The following TRIP12 variants were observed in gnomAD, a reference collection of about 807,000 sequenced individuals.
TRIP12 encodes the protein thyroid hormone receptor interactor 12.
Under a neutral mutation model 244.2 loss-of-function variants are expected in TRIP12, and 25 were observed. That is an observed-to-expected ratio of 0.10 (90% CI 0.07 to 0.14). The LOEUF is 0.14. Among genes scored for constraint, TRIP12 ranks in the 10% least tolerant of loss-of-function variants. TRIP12 has a pLI of 1.00. For missense variants in TRIP12, 1,677 were observed against 2,486.4 expected (o/e 0.67, Z 6.92); for synonymous variants, 905 against 873.1 (o/e 1.04, Z -0.64).
chr2:229,846,867 T>C (rs1034261411), intron 4 of TRIP12, among the ~76,000 whole-genome samples: 4 of 152,234 alleles, frequency 2.6e-5, no homozygotes, highest in Admixed American at 6.5e-5. Flanking sequence ...ATTACAAATA[T>C]TGGAAATGTC....
rs1312359979 is a variant in TRIP12 at position 229,795,161 on chromosome 2, C to G, written c.3968+18G>C. 1.9e-6 allele frequency: 3 copies of G among 1,610,260 alleles called. No homozygotes were observed. The South Asian group carries it at 3.3e-5, about 18-fold the overall frequency. On this transcript the variant is annotated intron_variant, in intron 26 of 41. Coordinates refer to ENST00000675903, the MANE Select transcript of TRIP12 (RefSeq NM_001348323.3). ...CCAAATTCCAGTGGCAAGGGTATAG[C>G]CAGGCAATGGTCCTTACCTGCCTCC...
chr2:229,803,284 T>C (rs1046194244), intron 20 of TRIP12, among the ~76,000 whole-genome samples: 1 of 152,180 alleles, frequency 6.6e-6, no homozygotes, highest in African/African-American at 2.4e-5. Flanking sequence ...CCGCTAATTT[T>C]TGTATTTTTC....
intron 38 of TRIP12, among the ~76,000 whole-genome samples, chr2:229,773,374 T>A (rs2035152706): frequency 6.6e-6 from 1 of 152,032 alleles, no homozygotes; most frequent in Non-Finnish European, 1.5e-5. Context: ...GTGCCCAGCC[T>A]AATATATATA....
chr2:229,827,834 A>T (rs34707165), intron 8 of TRIP12, among the ~76,000 whole-genome samples: 48,548 of 152,004 alleles, frequency 0.32, 7,914 homozygotes, highest in Middle Eastern at 0.44. Flanking sequence ...TTTAAGCTCA[A>T]CAGCTATCAT....
chr2:229,836,993 G>A lies in TRIP12; in HGVS notation c.1134-9C>T. 1 of 1,527,916 alleles carries A rather than the reference G, an allele frequency of 6.5e-7. No individual in the cohort carries two copies. The highest frequency in any genetic ancestry group is 1.3e-5 in the South Asian group (1 of 79,784). 94.6% of individuals were successfully genotyped at this position (1,527,916 alleles called of 1,614,324 possible). ...GGCCAGAGCCTCGCCGACTACAACAGAAAAATGTCATCATGGGCAGCATTA... is the reference window on the plus strand; with the variant it reads ...GGCCAGAGCCTCGCCGACTACAACAAAAAAATGTCATCATGGGCAGCATTA... On this transcript the variant is annotated splice_polypyrimidine_tract_variant and intron_variant, in intron 5 of 41. Coordinates refer to ENST00000675903, the MANE Select transcript of TRIP12 (RefSeq NM_001348323.3).
chr2:229,808,367 T>A lies in TRIP12; in HGVS notation c.2224A>T (p.Ile742Phe). ...AGGAGAAAGTGAAGCGTTTCTGCAATGTCTGTAAAAACCAACAACAAAAAA... is the reference window on the plus strand; with the variant it reads ...AGGAGAAAGTGAAGCGTTTCTGCAAAGTCTGTAAAAACCAACAACAAAAAA... ...TLAVQLMKQNIAETLHFLLCG... is the reference protein window; with the variant it reads ...TLAVQLMKQNFAETLHFLLCG... The change falls in exon 16 of 42, where the codon ATT (isoleucine) becomes TTT (phenylalanine). Residue 742 changes from isoleucine (I) to phenylalanine (F), a missense_variant and splice_region_variant. This residue lies in a region of TRIP12 where 572 missense variants were observed against 867.8 expected (regional missense o/e 0.66). Coordinates refer to ENST00000675903, the MANE Select transcript of TRIP12 (RefSeq NM_001348323.3). 6.2e-7 allele frequency: 1 copy of A among 1,609,938 alleles called. No homozygotes were observed. The highest frequency in any genetic ancestry group is 8.5e-7 in the Non-Finnish European group (1 of 1,178,416).
intron 4 of TRIP12, among the ~76,000 whole-genome samples, chr2:229,852,270 T>C (rs1413359545): frequency 6.6e-6 from 1 of 152,252 alleles, no homozygotes; most frequent in East Asian, 1.9e-4. Context: ...TAAGTTTTTC[T>C]ATAAACAGGT....
intron 1 of TRIP12, among the ~76,000 whole-genome samples, chr2:229,897,932 CAACA>C (rs986202900): frequency 6.6e-6 from 1 of 152,208 alleles, no homozygotes; most frequent in African/African-American, 2.4e-5. Context: ...ATTCAAGACT[CAACA>C]AACAACCTAT....
chr2:229,865,404 C>A (rs1384167126), intron 2 of TRIP12, among the ~76,000 whole-genome samples: 1 of 148,898 alleles, frequency 6.7e-6, no homozygotes, highest in Non-Finnish European at 1.5e-5. Flanking sequence ...TGGCTAGTTA[C>A]AAGTAGCTAG....
At chr2:229,792,474 T>C (rs149963361) in intron 27 of TRIP12, among the ~76,000 whole-genome samples, 587 of 152,360 alleles carry the variant, frequency 3.9e-3, no homozygotes, top group Non-Finnish European at 7.0e-3. Context: ...TTATATCTCA[T>C]ATACATGGCG....
intron 2 of TRIP12, among the ~76,000 whole-genome samples, chr2:229,877,131 C>T (rs998218912): frequency 6.6e-6 from 1 of 152,090 alleles, no homozygotes; most frequent in African/African-American, 2.4e-5. Flanking sequence ...TGGCAGGCGC[C>T]TGTCTTCTCA....
intron 34 of TRIP12, among the ~76,000 whole-genome samples, chr2:229,783,335 T>C (rs949515526): frequency 2.0e-5 from 3 of 152,232 alleles, no homozygotes; most frequent in Non-Finnish European, 4.4e-5. Flanking sequence ...ATGGAGACCA[T>C]GTGACCCACA....
At chr2:229,846,752 G>C (rs7599184) in intron 4 of TRIP12, among the ~76,000 whole-genome samples, 37,634 of 152,088 alleles carry the variant, frequency 0.25, 5,696 homozygotes, top group Middle Eastern at 0.41. Flanking sequence ...GTAATAATAA[G>C]ACAGATTTTG....
At chr2:229,810,162 AC>A (rs1254193807) in intron 15 of TRIP12, among the ~76,000 whole-genome samples, 1 of 152,226 alleles carries the variant, frequency 6.6e-6, no homozygotes, top group Non-Finnish European at 1.5e-5. Context: ...GACTTCAAGA[AC>A]AGCCTAGGCA....
intron 2 of TRIP12, among the ~76,000 whole-genome samples, chr2:229,877,628 C>T (rs1560061803): frequency 6.6e-6 from 1 of 152,190 alleles, no homozygotes; most frequent in Non-Finnish European, 1.5e-5. Context: ...AAGCAATGCG[C>T]TGTTGATAGC....
intron 20 of TRIP12, 40 bp from the exon 21 acceptor site, chr2:229,802,499 A>G: frequency 1.3e-6 from 2 of 1,525,654 alleles, no homozygotes; most frequent in Non-Finnish European, 1.8e-6. Flanking sequence ...AGTTTTAATC[A>G]GGAGTAGAAC....
In TRIP12 at chr2:229,867,097, G is replaced by GTT. The variant is rs11432903; in HGVS notation, c.99-6568_99-6567dup. ...ATATATATACACACACACATAGAGG[G>GTT]TTTTTTTTTTTGTTTTTTTTTTTAA... On this transcript the variant is annotated intron_variant, in intron 2 of 41. Coordinates refer to ENST00000675903, the MANE Select transcript of TRIP12 (RefSeq NM_001348323.3). 5.8e-3 allele frequency among the ~76,000 whole-genome samples: 775 copies of GTT among 134,134 alleles called. 15 individuals carry two copies. Among genetic ancestry groups the GTT allele is most frequent in the South Asian group, 0.022 (96 of 4,292 alleles). The allele number at this position is 134,134 out of a possible 152,430, so 88.0% of individuals were successfully genotyped here.
chr2:229,772,185 T>C (rs865917419), intron 38 of TRIP12, among the ~76,000 whole-genome samples: 1 of 152,208 alleles, frequency 6.6e-6, no homozygotes, highest in African/African-American at 2.4e-5. Flanking sequence ...GGTCCAACAT[T>C]ATCTAGTCAT....
At chr2:229,862,910 C>T (rs917580754) in intron 2 of TRIP12, among the ~76,000 whole-genome samples, 35 of 152,230 alleles carry the variant, frequency 2.3e-4, no homozygotes, top group Admixed American at 2.1e-3. Flanking sequence ...ATTTAGAAAA[C>T]CAAGGCTCAC....
Sources: gnomAD v4.1 joint callset for allele counts (sites outside exome capture counted in the v4.1 genomes callset) on GRCh38, gnomAD v4.1.1 for gene constraint, gnomAD v4.1.1 regional missense constraint, MANE v1.5 for transcripts, NCBI Gene and HGNC (gene_info 2026-07-23, HGNC 2026-07-21) for gene names.